WNK2: variants seen among roughly 807,000 people sequenced by gnomAD.
WNK2 encodes the protein WNK lysine deficient protein kinase 2.
In WNK2, 67 loss-of-function variants were observed where a neutral mutation model predicts 192.1. The observed-to-expected ratio is 0.35, with a 90% CI of 0.29 to 0.43. The LOEUF is 0.43. Among genes scored for constraint, WNK2 ranks in the 20% least tolerant of loss-of-function variants. The pLI is 1.00. For missense variants in WNK2, 2,698 were observed against 3,089.7 expected, an observed-to-expected ratio of 0.87 and a Z score of 3.01; for synonymous variants, 1,439 against 1,393.9, an observed-to-expected ratio of 1.03 and a Z score of -0.72.
In WNK2 at chr9:93,288,923, C is replaced by T. The variant is rs975061363; in HGVS notation, c.4169C>T (p.Pro1390Leu). ...GCCCCTTTGGCCCCCTCCTCCCCTC[C>T]TGTGACTGCTCTGCCCCAAGATGGA... is the stretch of plus-strand genomic sequence containing the variant. The part of the protein sequence containing the change: ...PPAPLAPSSP[P>L]VTALPQDGAA... Residue 1390 changes from proline (P) to leucine (L), a missense_variant, in exon 20 of 30, where the codon CCT (proline) becomes CTT (leucine). Physicochemically the swap from Pro to Leu is moderately conservative, Grantham distance 98. Coordinates refer to ENST00000427277, the MANE Select transcript of WNK2 (RefSeq NM_006648.4). 5.0e-6 allele frequency: 8 copies of T among 1,607,048 alleles called. No homozygotes were observed. The highest frequency in any genetic ancestry group is 6.8e-6 in the Non-Finnish European group (8 of 1,177,356).
rs367761151 is a variant in WNK2 at position 93,289,429 on chromosome 9, C to T, written c.4675C>T (p.Leu1559=). The T allele has an allele frequency of 9.3e-6, 15 of 1,612,908 alleles. No individual in the cohort carries two copies. The highest frequency in any genetic ancestry group is 1.6e-4 in the Middle Eastern group (1 of 6,084). The change falls in exon 20 of 30, where the codon CTG becomes TTG. Residue 1559 remains leucine, a synonymous_variant. Coordinates refer to ENST00000427277, the MANE Select transcript of WNK2 (RefSeq NM_006648.4). ...GAGCCTGGACGAGAAGCTGCGGACT[C>T]TGCTCTACCAGGAGCACGTGCCCAC... is the stretch of plus-strand genomic sequence containing the variant. ...IKSLDEKLRT[L]LYQEHVPTSS... is the part of the protein sequence containing the mutation.
At chr9:93,232,114 G>A (rs1047315894) in intron 4 of WNK2, among the ~76,000 whole-genome samples, 3 of 152,212 alleles carry the variant, frequency 2.0e-5, no homozygotes, top group Non-Finnish European at 4.4e-5. Flanking sequence ...CAATGTGAGG[G>A]CAGGACAGTG....
In WNK2 at chr9:93,259,153, C is replaced by T. The variant is rs1843775768; in HGVS notation, c.2605C>T (p.Leu869=). 1 of 1,612,366 alleles carries T rather than the reference C, an allele frequency of 6.2e-7. No homozygotes were observed. The highest frequency in any genetic ancestry group is 8.5e-7 in the Non-Finnish European group (1 of 1,179,612). Residue 869 remains leucine (L), a synonymous_variant, in exon 12 of 30, where the codon CTG becomes TTG. Coordinates refer to ENST00000427277, the MANE Select transcript of WNK2 (RefSeq NM_006648.4). This position sits in a 1 kb window ranked among gnomAD's most constrained non-coding sequence, Gnocchi z 4.8. ...GCTGCCCCACCCCCCTGGGGCGCCC[C>T]TGGCCATGCCCTGCCGGACCATTGT... ...VKLPHPPGAP[L]AMPCRTIVPN...
At chr9:93,199,418 G>A (rs1452897546) in intron 2 of WNK2, among the ~76,000 whole-genome samples, 6 of 152,180 alleles carry the variant, frequency 3.9e-5, no homozygotes, top group East Asian at 3.9e-4. Flanking sequence ...GGCGTCAGGT[G>A]GTGGGAGATG....
rs560904460 is a variant in WNK2 at position 93,307,917 on chromosome 9, C to T, written c.6260-411C>T. The stretch of plus-strand genomic sequence containing the variant: ...TCCTCATGTTACGGCTGAGGATGCA[C>T]AGGCCAGAGAGAGCCCGAGGAACCT... On this transcript the variant is annotated intron_variant, in intron 27 of 29. Transcript: ENST00000427277. The T allele has an allele frequency of 1.0e-4, 20 of 196,876 alleles. 1 individual carries two copies. In the East Asian group the frequency reaches 2.3e-3, roughly 23 times the overall value. The allele number at this position is 196,876 out of a possible 1,614,324, so 12.2% of individuals were successfully genotyped here.
chr9:93,251,413 G>A (rs1020418251), intron 8 of WNK2, among the ~76,000 whole-genome samples: 6 of 152,052 alleles, frequency 3.9e-5, no homozygotes, highest in East Asian at 1.9e-4. Flanking sequence ...CACCATGCCC[G>A]GCACATATTC....
At position 93,289,039 on chromosome 9, in the gene WNK2, G is replaced by A. The variant is rs1318276144; in HGVS notation, c.4285G>A (p.Glu1429Lys). ...AGGGACACCTCAGGGGCTGACCAGT[G>A]AGCTCGAGACGTCTCAGCCACTAGC... Reference protein sequence around the residue: ...GPGTPQGLTSELETSQPLAET... With the variant: ...GPGTPQGLTSKLETSQPLAET... Residue 1429 changes from glutamate (E) to lysine (K), a missense_variant, in exon 20 of 30, where the codon GAG (glutamate) becomes AAG (lysine). Glu to Lys is a moderately conservative substitution (Grantham distance 56). Around this residue, in one of 7 missense-constraint regions of WNK2, gnomAD observed 1,098 missense variants for 1,101.0 expected, o/e 1.00. Transcript: ENST00000427277. The A allele has an allele frequency of 6.2e-7, 1 of 1,604,516 alleles. No individual in the cohort carries two copies. Among genetic ancestry groups the A allele is most frequent in the East Asian group, 2.2e-5 (1 of 44,528 alleles).
intron 2 of WNK2, among the ~76,000 whole-genome samples, chr9:93,220,645 G>A (rs1362348977): frequency 6.6e-6 from 1 of 152,202 alleles, no homozygotes; most frequent in Non-Finnish European, 1.5e-5. Flanking sequence ...GTGGCCTGAG[G>A]AGGGGGCTGG....
intron 19 of WNK2, among the ~76,000 whole-genome samples, chr9:93,277,656 C>T (rs1847138918): frequency 6.6e-6 from 1 of 152,028 alleles, no homozygotes; most frequent in African/African-American, 2.4e-5. Flanking sequence ...TGATAAGGAA[C>T]AGGGTCAGTG....
intron 2 of WNK2, among the ~76,000 whole-genome samples, chr9:93,199,889 CTCTT>C (rs1281941654): frequency 2.0e-5 from 1 of 51,272 alleles, no homozygotes; most frequent in African/African-American, 4.6e-5. Context: ...CAGAGCAAGA[CTCTT>C]TGTCTCAAAA....
chr9:93,214,661 A>T (rs993701546), intron 2 of WNK2, among the ~76,000 whole-genome samples: 3 of 146,712 alleles, frequency 2.0e-5, no homozygotes, highest in Non-Finnish European at 4.5e-5. Context: ...TGTTGAGGTC[A>T]GCTGTCAGTC....
chr9:93,194,443 A>G (rs1192632899), intron 2 of WNK2, among the ~76,000 whole-genome samples: 1 of 152,252 alleles, frequency 6.6e-6, no homozygotes, highest in East Asian at 1.9e-4. Context: ...CAGATGGCAA[A>G]TAAGCATATG....
chr9:93,213,188 A>G (rs1428195671), intron 2 of WNK2, among the ~76,000 whole-genome samples: 1 of 152,160 alleles, frequency 6.6e-6, no homozygotes, highest in African/African-American at 2.4e-5. Context: ...GTGCTTCTGC[A>G]ATGGGCACAT....
chr9:93,306,710 A>G, intron 26 of WNK2, 67 bp from the exon 27 acceptor site: 1 of 1,592,936 alleles, frequency 6.3e-7, no homozygotes, highest in Non-Finnish European at 8.6e-7. Context: ...TTAGTGTGGT[A>G]GCGTGTCCCA....
At chr9:93,298,881 A>G (rs1194199687) in intron 24 of WNK2, among the ~76,000 whole-genome samples, 189 bp from the exon 25 acceptor site, 1 of 152,204 alleles carries the variant, frequency 6.6e-6, no homozygotes, top group Non-Finnish European at 1.5e-5. Flanking sequence ...GGGCTGGTAG[A>G]GACTGGGCAC....
rs1484700900 is a variant in WNK2 at position 93,292,987 on chromosome 9, C to T, written c.5522C>T (p.Thr1841Ile). ...SVAGDFVKKATAFLQRPSRAG... is the reference protein window; with the variant it reads ...SVAGDFVKKAIAFLQRPSRAG... ...GCTGGCGACTTCGTGAAGAAGGCCA[C>T]CGCCTTCCTGCAGAGGCCTTCTCGG... The change falls in exon 23 of 30, where the codon ACC (threonine) becomes ATC (isoleucine). Residue 1841 changes from threonine to isoleucine, a missense_variant. By Grantham distance (89) the Thr-to-Ile change is moderately conservative (BLOSUM62 -1). Coordinates refer to ENST00000427277, the MANE Select transcript of WNK2 (RefSeq NM_006648.4). The T allele has an allele frequency of 6.4e-7, 1 of 1,562,514 alleles. No homozygotes were observed. Among genetic ancestry groups the T allele is most frequent in the Non-Finnish European group, 8.6e-7 (1 of 1,156,716 alleles).
At chr9:93,272,738 CAAAAA>C (rs35641750) in intron 19 of WNK2, among the ~76,000 whole-genome samples, 1 of 90,802 alleles carries the variant, frequency 1.1e-5, no homozygotes, top group African/African-American at 5.2e-5. Flanking sequence ...AACTCCGTCT[CAAAAA>C]AAAAAAAAAA....
intron 19 of WNK2, among the ~76,000 whole-genome samples, chr9:93,271,198 C>G (rs1313456619): frequency 6.6e-6 from 1 of 152,230 alleles, no homozygotes; most frequent in Non-Finnish European, 1.5e-5. Context: ...GAAAGTGGAA[C>G]TGACATGTAA....
At chr9:93,201,594 T>A (rs1245181442) in intron 2 of WNK2, among the ~76,000 whole-genome samples, 1 of 152,208 alleles carries the variant, frequency 6.6e-6, no homozygotes, top group Non-Finnish European at 1.5e-5. Flanking sequence ...GTTGGATGTG[T>A]CTGAGGGCTA....
Sources: allele counts gnomAD v4.1 joint callset (sites outside exome capture counted in the v4.1 genomes callset), GRCh38; gene constraint gnomAD v4.1.1; regional missense constraint gnomAD v4.1.1; non-coding constraint Gnocchi (gnomAD v3.1); transcripts MANE v1.5; gene names NCBI Gene and HGNC (gene_info 2026-07-23, HGNC 2026-07-21).